Variants in PDE1A observed in about 807,000 individuals in gnomAD.
The protein encoded by PDE1A is dual specificity calcium/calmodulin-dependent 3',5'-cyclic nucleotide phosphodiesterase 1A.
PDE1A carries 35 observed loss-of-function variants against 61.7 expected under a neutral mutation model. The observed-to-expected ratio is 0.57, with a 90% CI of 0.43 to 0.75. The LOEUF (loss-of-function observed/expected upper bound fraction) is 0.75, where lower values mean the gene tolerates loss of function less well. Ranked by LOEUF, PDE1A falls within the 30% of genes least tolerant of loss-of-function variation. The pLI, the probability that PDE1A is intolerant of heterozygous loss-of-function variation, is 0.00. For missense variants in PDE1A, 597 were observed against 630.6 expected (o/e 0.95, Z 0.57); for synonymous variants, 232 against 213.2 (o/e 1.09, Z -0.77).
At chr2:182,168,610 A>G (rs1351353903) in intron 13 of PDE1A, among the ~76,000 whole-genome samples, 4 of 152,106 alleles carry the variant, frequency 2.6e-5, no homozygotes, top group African/African-American at 9.7e-5. Context: ...GTTATCAACT[A>G]GAGCAGACAC....
chr2:182,627,058 A>T, the PDE1A span, among the ~76,000 whole-genome samples: 6 of 1,792 alleles, frequency 3.3e-3, no homozygotes, highest in Admixed American at 0.011. Flanking sequence ...TATATAAAAT[A>T]TAATATATTA....
At chr2:182,549,204 A>G in the PDE1A span, among the ~76,000 whole-genome samples, 2 of 152,162 alleles carry the variant, frequency 1.3e-5, no homozygotes, top group East Asian at 1.9e-4. Context: ...TAGCCAAAAA[A>G]TCTTGAAAAA....
the PDE1A span, among the ~76,000 whole-genome samples, chr2:182,587,572 G>T: frequency 2.0e-5 from 3 of 152,150 alleles, no homozygotes; most frequent in Non-Finnish European, 2.9e-5. Context: ...CAACTTTTCT[G>T]TGCACTAACT....
rs1694671710 is a variant in PDE1A at position 182,293,485 on chromosome 2, A to G, written c.54-29071T>C. 2.6e-5 allele frequency among the ~76,000 whole-genome samples: 4 copies of G among 152,162 alleles called. No homozygotes were observed. The South Asian group carries it at 8.3e-4, about 32-fold the overall frequency. On this transcript the variant is annotated intron_variant, in intron 1 of 13. Coordinates refer to ENST00000351439, the Ensembl canonical transcript of PDE1A. ...TGATATTGTTCATTTGCTAACACAT[A>G]TTTGAAGGAAAAAAAAACACCTATA...
chr2:182,582,957 T>C, the PDE1A span, among the ~76,000 whole-genome samples: 2 of 152,300 alleles, frequency 1.3e-5, no homozygotes, highest in African/African-American at 4.8e-5. Context: ...GAACTGAAAA[T>C]GGGGTTCCTT....
chr2:182,328,462 G>A (rs1438615508), intron 1 of PDE1A, among the ~76,000 whole-genome samples: 1 of 152,080 alleles, frequency 6.6e-6, no homozygotes, highest in African/African-American at 2.4e-5. Flanking sequence ...TATAAGTTGG[G>A]GAGAGAAATA....
Position 182,308,710 on chromosome 2 carries a change from C to T in PDE1A, c.54-44296G>A, listed in dbSNP as rs557960570. On this transcript the variant is annotated intron_variant, in intron 1 of 13. Coordinates refer to ENST00000351439, the Ensembl canonical transcript of PDE1A. Reference sequence around the variant, plus strand: ...ATTGTATGTTTTTATATCTTTTTTACAGATACAATGTGAGTTATAAAGTAT... The same window carrying T: ...ATTGTATGTTTTTATATCTTTTTTATAGATACAATGTGAGTTATAAAGTAT... 1.1e-4 allele frequency among the ~76,000 whole-genome samples: 16 copies of T among 152,040 alleles called. 1 individual carries two copies. In the East Asian group the frequency reaches 3.1e-3, roughly 29 times the overall value.
At chr2:182,363,958 GTATA>G (rs1699665780) in intron 1 of PDE1A, among the ~76,000 whole-genome samples, 1 of 152,054 alleles carries the variant, frequency 6.6e-6, no homozygotes, top group African/African-American at 2.4e-5. Context: ...AGATTGAAAG[GTATA>G]TCATCACCAA....
exon 6 of PDE1A, chr2:182,230,093 G>A (rs1286379878): frequency 6.2e-7 from 1 of 1,612,652 alleles, no homozygotes; most frequent in Admixed American, 1.7e-5. Context: ...TTTTGTACTT[G>A]CTGTAACCAA....
chr2:182,525,561 C>T (rs1312221801), upstream of PDE1A, among the ~76,000 whole-genome samples: 1 of 152,122 alleles, frequency 6.6e-6, no homozygotes, highest in Admixed American at 6.6e-5. Flanking sequence ...GCACCATCCT[C>T]CTGCTGTGGT....
chr2:182,663,788 GTA>G, the PDE1A span, among the ~76,000 whole-genome samples: 3 of 151,628 alleles, frequency 2.0e-5, no homozygotes, highest in Non-Finnish European at 4.4e-5. Flanking sequence ...AAGTTTACCT[GTA>G]TAACAAACCT....
intron 2 of PDE1A, among the ~76,000 whole-genome samples, chr2:182,494,489 TG>T (rs1207391564): frequency 1.3e-5 from 2 of 152,158 alleles, no homozygotes; most frequent in Non-Finnish European, 2.9e-5. Flanking sequence ...CATGAGTAAC[TG>T]TTTAAGAAAC....
At chr2:182,256,601 T>A (rs1367357411) in intron 2 of PDE1A, among the ~76,000 whole-genome samples, 1 of 152,036 alleles carries the variant, frequency 6.6e-6, no homozygotes, top group Non-Finnish European at 1.5e-5. Context: ...AGCAAAGACT[T>A]GGAACCAACC....
At chr2:182,170,368 A>G (rs1180004284) in intron 13 of PDE1A, among the ~76,000 whole-genome samples, 1 of 152,108 alleles carries the variant, frequency 6.6e-6, no homozygotes, top group African/African-American at 2.4e-5. Context: ...AACATTTAAA[A>G]ATAAAAATAT....
the PDE1A span, among the ~76,000 whole-genome samples, chr2:182,621,570 A>G: frequency 8.2e-6 from 1 of 121,688 alleles, no homozygotes; most frequent in Non-Finnish European, 1.8e-5. Flanking sequence ...ACCATTTACA[A>G]TAACTTAAAA....
the PDE1A span, among the ~76,000 whole-genome samples, chr2:182,674,128 T>A: frequency 2.0e-5 from 3 of 151,830 alleles, no homozygotes; most frequent in Non-Finnish European, 2.9e-5. Context: ...TTGACCATGA[T>A]CACTGTTAGT....
At chr2:182,337,849 CT>C (rs940221194) in intron 1 of PDE1A, among the ~76,000 whole-genome samples, 17 of 152,114 alleles carry the variant, frequency 1.1e-4, no homozygotes, top group African/African-American at 3.6e-4. Context: ...TGTGATACCC[CT>C]CTGTTATTAG....
the PDE1A span, among the ~76,000 whole-genome samples, chr2:182,580,639 G>A: frequency 6.6e-6 from 1 of 152,138 alleles, no homozygotes; most frequent in Admixed American, 6.5e-5. Flanking sequence ...AACTTAAATG[G>A]AAGACTGGCT....
chr2:182,248,264 A>AC (rs1691133602), intron 2 of PDE1A, among the ~76,000 whole-genome samples: 3 of 151,082 alleles, frequency 2.0e-5, no homozygotes, highest in Admixed American at 1.3e-4. Flanking sequence ...AAAAAAAAAA[A>AC]AAAAGAAAAA....
Sources: allele counts gnomAD v4.1 joint callset (sites outside exome capture counted in the v4.1 genomes callset), GRCh38; gene constraint gnomAD v4.1.1; transcripts MANE v1.5; gene names NCBI Gene and HGNC (gene_info 2026-07-23, HGNC 2026-07-21).